MDP1: variants seen among roughly 807,000 people sequenced by gnomAD.
MDP1 encodes magnesium-dependent phosphatase 1.
MDP1 carries 18 observed loss-of-function variants against 21.6 expected under a neutral mutation model. That is an observed-to-expected ratio of 0.83 (90% CI 0.58 to 1.24). MDP1 has a LOEUF of 1.24. Among genes scored for constraint, MDP1 ranks in the 50% most tolerant of loss-of-function variants. The pLI is 0.00. For missense variants in MDP1, 207 were observed against 218.6 expected (o/e 0.95, Z 0.33); for synonymous variants, 101 against 83.2 (o/e 1.21, Z -1.16).
rs1456835516 is a variant in MDP1, at chr14:24,215,745, ATG to A, written c.88_89del (p.His30Ter). On this transcript the variant is annotated frameshift_variant, in exon 2 of 6. Transcript: ENST00000288087. LOFTEE classifies it high-confidence loss of function. ...WVDTHVDPPF[H>X]KSSDGTVRDR... is the part of the protein sequence containing the mutation. ...CCCTGTCCCTACCTCACCTGCTCTTATGGAACGGAGGGTCTACGTGCGTGTCG... is the reference window on the plus strand; with the variant it reads ...CCCTGTCCCTACCTCACCTGCTCTTAGAACGGAGGGTCTACGTGCGTGTCG... The A allele has an allele frequency of 6.2e-7, 1 of 1,614,072 alleles. No homozygotes were observed. Among genetic ancestry groups the A allele is most frequent in the South Asian group, 1.1e-5 (1 of 91,074 alleles).
chr14:24,215,676 G>C lies in MDP1; in HGVS notation c.99-14C>G. ...ACAGTTCCATCACTGGAGAGGGCAA[G>C]AGTGCGCTCAGCCCTGGCTGGGTCC... is the stretch of plus-strand genomic sequence containing the variant. On this transcript the variant is annotated splice_polypyrimidine_tract_variant and intron_variant, in intron 2 of 5. Transcript: ENST00000288087. 2 of 1,614,204 alleles carry C rather than the reference G, an allele frequency of 1.2e-6. No individual in the cohort carries two copies. Among genetic ancestry groups the C allele is most frequent in the Middle Eastern group, 3.3e-4 (2 of 6,062 alleles).
intron 1 of MDP1, 33 bp from the exon 2 acceptor site, chr14:24,215,830 G>C: frequency 1.2e-6 from 2 of 1,614,188 alleles, no homozygotes; most frequent in Non-Finnish European, 1.7e-6. Flanking sequence ...GGTTCAGCCT[G>C]GGGCGGGAGA....
chr14:24,214,160 A>G lies in MDP1; in HGVS notation c.404-9T>C. The G allele has an allele frequency of 1.2e-6, 2 of 1,608,194 alleles. No homozygotes were observed. The highest frequency in any genetic ancestry group is 1.7e-6 in the Non-Finnish European group (2 of 1,177,096). On this transcript the variant is annotated splice_polypyrimidine_tract_variant and intron_variant, in intron 5 of 5. Coordinates refer to ENST00000288087, the MANE Select transcript of MDP1 (RefSeq NM_138476.4). ...GTGAATGCAGGTAACACCTAGAAAG[A>G]TAAGAAGTCACATTTCATTAAGCTT...
In MDP1 at chr14:24,213,996, G is replaced by A; in HGVS notation, c.*28C>T. On this transcript the variant is annotated 3_prime_UTR_variant, in exon 6 of 6. Coordinates refer to ENST00000288087, the MANE Select transcript of MDP1 (RefSeq NM_138476.4). ...ACTTTAATAAATTACAAATGCACCT[G>A]AAAATGCCTTCTTGATTTCCTTTCA... is the stretch of plus-strand genomic sequence containing the variant. 3.2e-6 allele frequency: 5 copies of A among 1,550,594 alleles called. No homozygotes were observed. Among genetic ancestry groups the A allele is most frequent in the Non-Finnish European group, 4.3e-6 (5 of 1,150,758 alleles).
rs764122512 is a variant in MDP1 at position 24,215,946 on chromosome 14, G to C, written c.10C>G (p.Leu4Val). MAR[L>V]PKLAVFDLDY... ...AAATCAAAGACTGCCAGCTTCGGTA[G>C]CCGCGCCATGACCCGCACCGCAGGC... is the stretch of plus-strand genomic sequence containing the variant. The change falls in exon 1 of 6, where the codon CTA becomes GTA. Residue 4 changes from leucine (L) to valine (V), a missense_variant. Physicochemically the swap from Leu to Val is conservative, Grantham distance 32. Coordinates refer to ENST00000288087, the MANE Select transcript of MDP1 (RefSeq NM_138476.4). 5.6e-6 allele frequency: 9 copies of C among 1,614,216 alleles called. No homozygotes were observed. The highest frequency in any genetic ancestry group is 1.7e-5 in the Admixed American group (1 of 60,028).
At position 24,214,558 on chromosome 14, in the gene MDP1, A is replaced by AAG; in HGVS notation, c.249_250dup (p.Phe84SerfsTer36). The AAG allele has an allele frequency of 6.2e-7, 1 of 1,614,212 alleles. No individual in the cohort carries two copies. The highest frequency in any genetic ancestry group is 1.6e-4 in the Middle Eastern group (1 of 6,062). On this transcript the variant is annotated frameshift_variant, in exon 4 of 6. Coordinates refer to ENST00000288087, the MANE Select transcript of MDP1 (RefSeq NM_138476.4). LOFTEE classifies it high-confidence loss of function. ...ATGAACAAAGTACCTGAAGAGGTCA[A>AAG]AGAGCTCCAGTAGCTGGTTGGCCCC...
At position 24,216,026 on chromosome 14, in the gene MDP1, G is replaced by T; in HGVS notation, c.-71C>A. The T allele has an allele frequency of 2.6e-5, 42 of 1,593,054 alleles. No individual in the cohort carries two copies. The highest frequency in any genetic ancestry group is 3.5e-5 in the Non-Finnish European group (41 of 1,166,610). The stretch of plus-strand genomic sequence containing the variant: ...GGGCCTTAGAGAGTGCGGAACCTCC[G>T]GCAGCTAAGGCAGCCACCCTGCCTG... On this transcript the variant is annotated 5_prime_UTR_variant, in exon 1 of 6. Transcript: ENST00000288087.
chr14:24,213,958 C>A lies in MDP1; in HGVS notation c.*66G>T. 1 of 1,525,016 alleles carries A rather than the reference C, an allele frequency of 6.6e-7. No individual in the cohort carries two copies. The highest frequency in any genetic ancestry group is 1.3e-5 in the South Asian group (1 of 76,000). The allele number at this position is 1,525,016 out of a possible 1,614,324, so 94.5% of individuals were successfully genotyped here. ...ACACTGTGGGTAAAATCTCTTCTGT[C>A]ACACACAGATGAACTTTAATAAATT... On this transcript the variant is annotated 3_prime_UTR_variant, in exon 6 of 6. Transcript: ENST00000288087.
chr14:24,215,401 A>T, intron 3 of MDP1, 151 bp downstream of exon 3: 1 of 928,958 alleles, frequency 1.1e-6, no homozygotes, highest in Non-Finnish European at 1.6e-6. Context: ...CCACTTTTTA[A>T]TAGTTAAAAG....
intron 3 of MDP1, 120 bp downstream of exon 3, chr14:24,215,432 G>GA (rs527253160): frequency 3.4e-5 from 41 of 1,206,052 alleles, no homozygotes; most frequent in African/African-American, 3.3e-4. Context: ...GCGTTCAAGG[G>GA]AAAAAATATG....
chr14:24,215,627 A>G lies in MDP1; in HGVS notation c.134T>C (p.Val45Ala). The G allele has an allele frequency of 6.2e-7, 1 of 1,614,006 alleles. No individual in the cohort carries two copies. The highest frequency in any genetic ancestry group is 8.5e-7 in the Non-Finnish European group (1 of 1,180,002). Reference sequence around the variant, plus strand: ...CTCAGGCACCTCTGGGTACAGTCGGACGTCTTGGCCCCGCCTATCTCGTAC... The same window carrying G: ...CTCAGGCACCTCTGGGTACAGTCGGGCGTCTTGGCCCCGCCTATCTCGTAC... ...GTVRDRRGQD[V>A]RLYPEVPEVL... Residue 45 changes from valine to alanine, a missense_variant, in exon 3 of 6, where the codon GTC becomes GCC. Coordinates refer to ENST00000288087, the MANE Select transcript of MDP1 (RefSeq NM_138476.4).
rs902264880 is a variant in MDP1 at position 24,215,601 on chromosome 14, C to G, written c.160G>C (p.Val54Leu). The change falls in exon 3 of 6, where the codon GTC (valine) becomes CTC (leucine). Residue 54 changes from valine to leucine, a missense_variant. Coordinates refer to ENST00000288087, the MANE Select transcript of MDP1 (RefSeq NM_138476.4). Reference protein sequence around the residue: ...DVRLYPEVPEVLKRLQSLGVP... With the variant: ...DVRLYPEVPELLKRLQSLGVP... Reference sequence around the variant, plus strand: ...CCAAGGCTCTGCAATCGTTTTAGGACCTCAGGCACCTCTGGGTACAGTCGG... The same window carrying G: ...CCAAGGCTCTGCAATCGTTTTAGGAGCTCAGGCACCTCTGGGTACAGTCGG... 5 of 1,614,170 alleles carry G rather than the reference C, an allele frequency of 3.1e-6. No individual in the cohort carries two copies. The highest frequency in any genetic ancestry group is 3.4e-6 in the Non-Finnish European group (4 of 1,180,040).
chr14:24,214,375 A>G lies in MDP1; in HGVS notation c.338T>C (p.Ile113Thr). Reference sequence around the variant, plus strand: ...AAAGAAGATCATCTGGGAGAAAGGAATTCCAGTCTTCTGCTGCAACCTATT... The same window carrying G: ...AAAGAAGATCATCTGGGAGAAAGGAGTTCCAGTCTTCTGCTGCAACCTATT... Reference protein sequence around the residue: ...HFERLQQKTGIPFSQMIFFDD... With the variant: ...HFERLQQKTGTPFSQMIFFDD... The change falls in exon 5 of 6, where the codon ATT becomes ACT. Residue 113 changes from isoleucine to threonine, a missense_variant. Coordinates refer to ENST00000288087, the MANE Select transcript of MDP1 (RefSeq NM_138476.4). 1 of 1,614,208 alleles carries G rather than the reference A, an allele frequency of 6.2e-7. No individual in the cohort carries two copies. The highest frequency in any genetic ancestry group is 1.1e-5 in the South Asian group (1 of 91,080).
At position 24,215,785 on chromosome 14, in the gene MDP1, CAG is replaced by C. The variant is rs775184294; in HGVS notation, c.48_49del (p.Trp17AlafsTer14). On this transcript the variant is annotated frameshift_variant, in exon 2 of 6. Coordinates refer to ENST00000288087, the MANE Select transcript of MDP1 (RefSeq NM_138476.4). LOFTEE classifies it high-confidence loss of function. ...TACGTGCGTGTCGACCCAGAAAGGCCAGAGAGTGTAATCTGCGAGAGGAAGGA... is the reference window on the plus strand; with the variant it reads ...TACGTGCGTGTCGACCCAGAAAGGCCAGAGTGTAATCTGCGAGAGGAAGGA... The C allele has an allele frequency of 6.8e-6, 11 of 1,614,094 alleles. No homozygotes were observed. In the African/African-American group the frequency reaches 8.0e-5, roughly 12 times the overall value.
chr14:24,215,476 T>C, intron 3 of MDP1, 76 bp downstream of exon 3: 1 of 1,473,142 alleles, frequency 6.8e-7, no homozygotes, highest in Non-Finnish European at 9.4e-7. Context: ...CCCCTATTTT[T>C]GTAGACCAGG....
rs762088409 is a variant in MDP1, at chr14:24,214,154, A to G, written c.404-3T>C. 1 of 1,608,748 alleles carries G rather than the reference A, an allele frequency of 6.2e-7. No homozygotes were observed. Among genetic ancestry groups the G allele is most frequent in the South Asian group, 1.1e-5 (1 of 90,644 alleles). ...CTGGATGTGAATGCAGGTAACACCT[A>G]GAAAGATAAGAAGTCACATTTCATT... On this transcript the variant is annotated splice_region_variant and splice_polypyrimidine_tract_variant and intron_variant, in intron 5 of 5. Coordinates refer to ENST00000288087, the MANE Select transcript of MDP1 (RefSeq NM_138476.4).
rs2039643349 is a variant in MDP1, at chr14:24,214,544, A to G, written c.265T>C (p.Tyr89His). ...GGATAGATTTCCCGATGAACAAAGTACCTGAAGAGGTCAAAGAGCTCCAGT... is the reference window on the plus strand; with the variant it reads ...GGATAGATTTCCCGATGAACAAAGTGCCTGAAGAGGTCAAAGAGCTCCAGT... ...QLLELFDLFR[Y>H]FVHREIYPGS... The change falls in exon 4 of 6, where the codon TAC becomes CAC. Residue 89 changes from tyrosine (Y) to histidine (H), a missense_variant. Transcript: ENST00000288087. 1 of 1,614,078 alleles carries G rather than the reference A, an allele frequency of 6.2e-7. No individual in the cohort carries two copies. Among genetic ancestry groups the G allele is most frequent in the African/African-American group, 1.3e-5 (1 of 74,916 alleles).
At chr14:24,215,150 A>C (rs1274705443) in intron 3 of MDP1, among the ~76,000 whole-genome samples, 51 of 134,148 alleles carry the variant, frequency 3.8e-4, no homozygotes, top group Non-Finnish European at 6.3e-4. Flanking sequence ...CAGTGGCTCC[A>C]TCTCAGCTCA....
At chr14:24,215,499 T>G in intron 3 of MDP1, 53 bp downstream of exon 3, 1 of 1,582,460 alleles carries the variant, frequency 6.3e-7, no homozygotes, top group South Asian at 1.1e-5. Context: ...TTTCACTGTC[T>G]CTTGCATGCA....
Sources: gnomAD v4.1 joint callset for allele counts (sites outside exome capture counted in the v4.1 genomes callset) on GRCh38, gnomAD v4.1.1 for gene constraint, MANE v1.5 for transcripts, NCBI Gene and HGNC (gene_info 2026-07-23, HGNC 2026-07-21) for gene names.